The following THTPA variants were observed in gnomAD, a reference collection of about 807,000 sequenced individuals.
THTPA encodes thiamine-triphosphatase.
In THTPA, 16 loss-of-function variants were observed where a neutral mutation model predicts 16.5. The observed-to-expected ratio is 0.97, with a 90% CI of 0.66 to 1.47. The LOEUF is 1.47. Ranked by LOEUF, THTPA falls within the 40% of genes most tolerant of loss-of-function variation. The pLI, the probability that THTPA is intolerant of heterozygous loss-of-function variation, is 0.00. For synonymous variants in THTPA, 110 were observed against 115.5 expected (o/e 0.95, Z 0.30); for missense variants, 281 against 280.9 (o/e 1.00, Z 0.00).
At chr14:23,544,760 A>T in the THTPA span, among the ~76,000 whole-genome samples, 1 of 152,072 alleles carries the variant, frequency 6.6e-6, no homozygotes, top group African/African-American at 2.4e-5. Context: ...GCCATTAGAG[A>T]TGGAGATGAG....
the THTPA span, among the ~76,000 whole-genome samples, chr14:23,544,831 C>CG: frequency 6.6e-6 from 1 of 152,300 alleles, no homozygotes; most frequent in East Asian, 1.9e-4. Flanking sequence ...TCTTTCCCTC[C>CG]GGCTCGCCAT....
the THTPA span, chr14:23,522,640 G>A: frequency 6.5e-7 from 1 of 1,536,016 alleles, no homozygotes. Context: ...GCAATGGAAA[G>A]GGCAGGAACT....
the THTPA span, among the ~76,000 whole-genome samples, chr14:23,537,656 G>T: frequency 9.9e-5 from 15 of 152,176 alleles, no homozygotes; most frequent in African/African-American, 3.6e-4. Context: ...GAGGTCGGGG[G>T]AGTTGGAGAA....
rs755628048 is a variant in THTPA at position 23,557,161 on chromosome 14, C to T, written c.404C>T (p.Ala135Val). The part of the protein sequence containing the change: ...RSAWKLVLLG[A>V]DEEEPQLRVD... The stretch of plus-strand genomic sequence containing the variant: ...GCCTGGAAGCTGGTGCTCTTGGGAG[C>T]TGATGAAGAGGAGCCACAGCTCAGG... Residue 135 changes from alanine to valine, a missense_variant, in exon 1 of 2, where the codon GCT becomes GTT. Physicochemically the swap from Ala to Val is moderately conservative, Grantham distance 64. Coordinates refer to ENST00000288014, the MANE Select transcript of THTPA (RefSeq NM_024328.6). The T allele has an allele frequency of 3.1e-6, 5 of 1,614,136 alleles. No individual in the cohort carries two copies. In the South Asian group the frequency reaches 5.5e-5, roughly 18 times the overall value.
At chr14:23,519,189 G>C in the THTPA span, among the ~76,000 whole-genome samples, 1 of 152,022 alleles carries the variant, frequency 6.6e-6, no homozygotes, top group Non-Finnish European at 1.5e-5. Flanking sequence ...ATCAACTCTC[G>C]GTGAAAACAC....
chr14:23,524,923 C>T, the THTPA span: 1 of 1,536,294 alleles, frequency 6.5e-7, no homozygotes, highest in Non-Finnish European at 8.7e-7. The surrounding 1 kb of genome is among the most constrained non-coding windows in gnomAD (Gnocchi z 5.6). Context: ...CGTGGCAACG[C>T]CTGCAGCCGG....
rs1882405275 is a variant in THTPA, at chr14:23,556,659, G to T, written c.-99G>T. 6 of 1,309,306 alleles carry T rather than the reference G, an allele frequency of 4.6e-6. No individual in the cohort carries two copies. The highest frequency in any genetic ancestry group is 6.2e-6 in the Non-Finnish European group (6 of 967,806). The allele number at this position is 1,309,306 out of a possible 1,614,324, so 81.1% of individuals were successfully genotyped here. On this transcript the variant is annotated 5_prime_UTR_variant, in exon 1 of 2. In the 5' UTR this introduces an upstream ATG that the reference lacks. Coordinates refer to ENST00000288014, the MANE Select transcript of THTPA (RefSeq NM_024328.6). ...AGTGTGCCCCTCATAAGTTTTTCCA[G>T]GGAGGGGTTCTGTACTGAGTTGACG...
chr14:23,542,351 CG>C, the THTPA span: 1 of 151,504 alleles, frequency 6.6e-6, no homozygotes, highest in Non-Finnish European at 1.5e-5. Context: ...AGAAGGGAAG[CG>C]GTAGGCTGAA....
At chr14:23,522,072 C>A in the THTPA span, 2 of 1,536,268 alleles carry the variant, frequency 1.3e-6, no homozygotes, top group Non-Finnish European at 1.7e-6. Flanking sequence ...GCAGTGGCGG[C>A]GTTGGTGATG....
the THTPA span, among the ~76,000 whole-genome samples, chr14:23,549,388 C>G: frequency 6.6e-6 from 1 of 152,114 alleles, no homozygotes. Context: ...GCTCCTTTTA[C>G]CTTTCCAAGC....
At chr14:23,523,593 G>A in the THTPA span, 6 of 1,552,322 alleles carry the variant, frequency 3.9e-6, no homozygotes, top group East Asian at 2.3e-5. This position sits in a 1 kb window ranked among gnomAD's most constrained non-coding sequence, Gnocchi z 4.1. Context: ...TCCTTGGCAC[G>A]AGCATTCTGG....
the THTPA span, among the ~76,000 whole-genome samples, chr14:23,545,493 GT>G: frequency 6.6e-6 from 1 of 152,128 alleles, no homozygotes; most frequent in Non-Finnish European, 1.5e-5. Flanking sequence ...CAAGTCATGG[GT>G]TTTTCACCTT....
chr14:23,539,854 TC>T, the THTPA span, among the ~76,000 whole-genome samples: 1 of 152,170 alleles, frequency 6.6e-6, no homozygotes, highest in Admixed American at 6.5e-5. Flanking sequence ...GGCTTTTTCC[TC>T]CCTAACTCCC....
At chr14:23,531,884 C>G in the THTPA span, 10 of 956,184 alleles carry the variant, frequency 1.0e-5, no homozygotes, top group Non-Finnish European at 1.4e-5. Context: ...TTCAGTGATT[C>G]TCATGCCTCA....
chr14:23,533,029 G>A, the THTPA span: 8 of 1,535,912 alleles, frequency 5.2e-6, no homozygotes, highest in Non-Finnish European at 7.0e-6. The surrounding 1 kb of genome is among the most constrained non-coding windows in gnomAD (Gnocchi z 4.8). Flanking sequence ...TGTCAGATGA[G>A]GAACCCAGGA....
the THTPA span, chr14:23,525,389 T>C: frequency 6.5e-7 from 1 of 1,536,076 alleles, no homozygotes; most frequent in African/African-American, 1.4e-5. This position sits in a 1 kb window ranked among gnomAD's most constrained non-coding sequence, Gnocchi z 5.9. Flanking sequence ...CTTTCGAAAC[T>C]GAGCAGCATA....
Position 23,558,778 on chromosome 14 carries a change from G to C in THTPA, c.631G>C (p.Glu211Gln), listed in dbSNP as rs1566605304. The change falls in exon 2 of 2, where the codon GAA (glutamate) becomes CAA (glutamine). Residue 211 changes from glutamate to glutamine, a missense_variant. Glu to Gln is a conservative substitution (Grantham distance 29). Transcript: ENST00000288014. Reference sequence around the variant, plus strand: ...GCCTCAAGACTATCAGCGCCTGCTAGAAGTGAACAGCTCCAGAGAGAGGCC... The same window carrying C: ...GCCTCAAGACTATCAGCGCCTGCTACAAGTGAACAGCTCCAGAGAGAGGCC... ...FRPQDYQRLL[E>Q]VNSSRERPQE... 11 of 1,614,224 alleles carry C rather than the reference G, an allele frequency of 6.8e-6. No individual in the cohort carries two copies. The highest frequency in any genetic ancestry group is 8.5e-6 in the Non-Finnish European group (10 of 1,180,036).
chr14:23,557,352 C>T (rs763671819), intron 1 of THTPA, 48 bp downstream of exon 1: 1 of 1,500,754 alleles, frequency 6.7e-7, no homozygotes, highest in Non-Finnish European at 8.8e-7. Context: ...CCACTTTTCT[C>T]TTTTGGAGGC....
the THTPA span, among the ~76,000 whole-genome samples, chr14:23,540,669 T>G: frequency 6.6e-6 from 1 of 152,382 alleles, no homozygotes; most frequent in African/African-American, 2.4e-5. Flanking sequence ...ACTCACTAGC[T>G]GTGCAACTCT....
Sources: allele counts gnomAD v4.1 joint callset (sites outside exome capture counted in the v4.1 genomes callset), GRCh38; gene constraint gnomAD v4.1.1; non-coding constraint Gnocchi (gnomAD v3.1); transcripts MANE v1.5; gene names NCBI Gene and HGNC (gene_info 2026-07-23, HGNC 2026-07-21).